The following IQGAP2 variants were observed in gnomAD, a reference collection of about 807,000 sequenced individuals.
IQGAP2 encodes the protein ras GTPase-activating-like protein IQGAP2.
A neutral mutation model predicts 201.3 loss-of-function variants in IQGAP2; 173 were observed. The ratio of observed to expected loss-of-function variants is 0.86; its 90% CI spans 0.76 to 0.98. The LOEUF (loss-of-function observed/expected upper bound fraction) is 0.98. Ranked by LOEUF, IQGAP2 falls within the 50% of genes least tolerant of loss-of-function variation. The pLI, the probability that IQGAP2 is intolerant of heterozygous loss-of-function variation, is 0.00. For synonymous variants in IQGAP2, 675 were observed against 673.9 expected (o/e 1.00, Z -0.03); for missense variants, 1,687 against 1,864.8 (o/e 0.90, Z 1.76).
At chr5:76,678,627 G>C (rs1256696138) in intron 28 of IQGAP2, among the ~76,000 whole-genome samples, 1 of 152,156 alleles carries the variant, frequency 6.6e-6, no homozygotes, top group Non-Finnish European at 1.5e-5. Context: ...ATTGTAACAA[G>C]ATCCCAGAGG....
chr5:76,426,240 G>A (rs1169030455), intron 1 of IQGAP2, among the ~76,000 whole-genome samples: 1 of 152,176 alleles, frequency 6.6e-6, no homozygotes, highest in East Asian at 1.9e-4. Flanking sequence ...GCGTGCCCCA[G>A]AAGAAAGGTT....
In IQGAP2 at chr5:76,641,049, T is replaced by C. The variant is rs1357593521; in HGVS notation, c.2040T>C (p.Phe680=). The change falls in exon 17 of 36, where the codon TTT becomes TTC. Residue 680 remains phenylalanine (F), a synonymous_variant. Coordinates refer to ENST00000274364, the MANE Select transcript of IQGAP2 (RefSeq NM_006633.5). ...TSSGPILREE[F]EARKSFLHEQ... ...CAGGACCCATCCTTAGGGAAGAGTT[T>C]GAAGCTAGAAAATCATTTTTGCATG... is the stretch of plus-strand genomic sequence containing the variant. 1.2e-6 allele frequency: 2 copies of C among 1,609,662 alleles called. No homozygotes were observed. Among genetic ancestry groups the C allele is most frequent in the Admixed American group, 3.3e-5 (2 of 59,940 alleles).
chr5:76,609,490 AG>A (rs1223721119), intron 12 of IQGAP2, among the ~76,000 whole-genome samples: 2 of 152,222 alleles, frequency 1.3e-5, no homozygotes, highest in East Asian at 3.8e-4. Context: ...TTCTTCTTAC[AG>A]GTAAATCTTT....
At chr5:76,619,609 C>T (rs1282940463) in intron 13 of IQGAP2, among the ~76,000 whole-genome samples, 2 of 151,200 alleles carry the variant, frequency 1.3e-5, no homozygotes, top group Admixed American at 6.6e-5. Context: ...CTCCGCCTCC[C>T]GGGTTCACGC....
At chr5:76,671,217 C>T (rs1021499026) in intron 23 of IQGAP2, among the ~76,000 whole-genome samples, 9 of 152,138 alleles carry the variant, frequency 5.9e-5, no homozygotes, top group South Asian at 2.1e-4. Context: ...GCCAAGATGG[C>T]GCTACTACTC....
intron 1 of IQGAP2, among the ~76,000 whole-genome samples, chr5:76,422,652 G>A (rs1266337846): frequency 6.6e-6 from 1 of 152,148 alleles, no homozygotes; most frequent in Non-Finnish European, 1.5e-5. Flanking sequence ...CCGAGTCTCT[G>A]GTCTGTCTCT....
intron 28 of IQGAP2, among the ~76,000 whole-genome samples, chr5:76,680,548 G>A (rs62362983): frequency 4.1e-4 from 62 of 152,116 alleles, no homozygotes; most frequent in African/African-American, 5.5e-4. Flanking sequence ...GAGGCTAGAC[G>A]TGGTGGCTGA....
At chr5:76,515,303 T>G (rs1758246160) in intron 2 of IQGAP2, among the ~76,000 whole-genome samples, 1 of 152,252 alleles carries the variant, frequency 6.6e-6, no homozygotes, top group African/African-American at 2.4e-5. Context: ...GATCACTGTT[T>G]TACATTCTTT....
chr5:76,626,703 A>G (rs1437872105), intron 13 of IQGAP2, among the ~76,000 whole-genome samples: 13 of 152,234 alleles, frequency 8.5e-5, no homozygotes, highest in South Asian at 4.1e-4. Flanking sequence ...CTCTCAAATT[A>G]AAAATATCCC....
intron 2 of IQGAP2, among the ~76,000 whole-genome samples, chr5:76,544,177 T>C (rs1420967592): frequency 1.3e-5 from 2 of 152,182 alleles, no homozygotes; most frequent in African/African-American, 4.8e-5. Flanking sequence ...TGTCTGCTGC[T>C]CTGACCAAAA....
chr5:76,590,320 C>T, intron 7 of IQGAP2, 88 bp from the exon 8 acceptor site: 1 of 1,030,356 alleles, frequency 9.7e-7, no homozygotes, highest in Admixed American at 2.4e-5. Flanking sequence ...GAAAGTAAAA[C>T]TGCTTGAGTT....
chr5:76,590,612 C>A, intron 8 of IQGAP2, 26 bp downstream of exon 8: 1 of 1,562,656 alleles, frequency 6.4e-7, no homozygotes. Context: ...GTAATAAAAA[C>A]AGTAATGAAT....
At chr5:76,623,367 C>A in intron 13 of IQGAP2, 2 of 993,096 alleles carry the variant, frequency 2.0e-6, no homozygotes, top group Non-Finnish European at 1.5e-6. Flanking sequence ...CTGTGCCGTG[C>A]AGGCAGGAAA....
intron 10 of IQGAP2, 44 bp from the exon 11 acceptor site, chr5:76,600,768 G>A: frequency 6.2e-7 from 1 of 1,606,306 alleles, no homozygotes; most frequent in South Asian, 1.1e-5. Flanking sequence ...TGCACATGAG[G>A]TGTGTTGTGT....
chr5:76,606,501 T>C, intron 12 of IQGAP2, 198 bp downstream of exon 12: 1 of 336,552 alleles, frequency 3.0e-6, no homozygotes, highest in Non-Finnish European at 5.3e-6. Flanking sequence ...TTACAAAGCC[T>C]ACACAAGAAT....
Position 76,590,504 on chromosome 5 carries a change from T to C in IQGAP2, c.737T>C (p.Leu246Ser), listed in dbSNP as rs1242959543. 3.7e-6 allele frequency: 6 copies of C among 1,613,970 alleles called. No homozygotes were observed. Among genetic ancestry groups the C allele is most frequent in the South Asian group, 1.1e-5 (1 of 91,048 alleles). The change falls in exon 8 of 36, where the codon TTA becomes TCA. Residue 246 changes from leucine to serine, a missense_variant. Coordinates refer to ENST00000274364, the MANE Select transcript of IQGAP2 (RefSeq NM_006633.5). ...AGAAACCCAAATGCGGTTTTAACTT[T>C]AGTGGATGACAACCTTGCACCAGAA... is the stretch of plus-strand genomic sequence containing the variant. ...TLRNPNAVLT[L>S]VDDNLAPEYQ...
intron 13 of IQGAP2, chr5:76,617,484 T>C (rs1234118607): frequency 2.2e-5 from 19 of 877,812 alleles, no homozygotes; most frequent in Non-Finnish European, 1.8e-6. Context: ...GCATATTTCT[T>C]AGGAGCTCGG....
chr5:76,603,691 T>A (rs1383273599), intron 11 of IQGAP2, among the ~76,000 whole-genome samples: 1 of 152,192 alleles, frequency 6.6e-6, no homozygotes, highest in African/African-American at 2.4e-5. Context: ...TTCCTCCTAA[T>A]ATTCCTGTAG....
At chr5:76,685,685 G>A (rs1745672367) in intron 30 of IQGAP2, among the ~76,000 whole-genome samples, 1 of 131,158 alleles carries the variant, frequency 7.6e-6, no homozygotes, top group Non-Finnish European at 1.7e-5. Flanking sequence ...CCCTTGTGTG[G>A]CTCTCCCCCG....
Sources: gnomAD v4.1 joint callset for allele counts (sites outside exome capture counted in the v4.1 genomes callset) on GRCh38, gnomAD v4.1.1 for gene constraint, MANE v1.5 for transcripts, NCBI Gene and HGNC (gene_info 2026-07-23, HGNC 2026-07-21) for gene names.